The following CCNY variants were observed in gnomAD, a reference collection of about 807,000 sequenced individuals.
The protein encoded by CCNY is cyclin Y.
Under a neutral mutation model 42.8 loss-of-function variants are expected in CCNY, and 19 were observed. The ratio of observed to expected loss-of-function variants is 0.44; its 90% CI spans 0.31 to 0.65. CCNY has a LOEUF of 0.65. Among genes scored for constraint, CCNY ranks in the 30% least tolerant of loss-of-function variants. The probability of loss-of-function intolerance (pLI) is 0.07; values close to 1 mark genes in which losing one functional copy is unlikely to be tolerated. For synonymous variants in CCNY, 165 were observed against 162.7 expected (o/e 1.01, Z -0.11); for missense variants, 370 against 437.3 (o/e 0.85, Z 1.37).
chr10:35,408,257 C>T (rs186312238), intron 1 of CCNY, among the ~76,000 whole-genome samples: 48 of 152,226 alleles, frequency 3.2e-4, no homozygotes, highest in Admixed American at 1.0e-3. Context: ...ACTGGTCTCC[C>T]GAAGGAGTCC....
chr10:35,354,122 A>C (rs1295121973), intron 1 of CCNY, among the ~76,000 whole-genome samples: 3 of 151,850 alleles, frequency 2.0e-5, no homozygotes, highest in African/African-American at 7.3e-5. Flanking sequence ...CCCTGGACCA[A>C]GTGATCCAAG....
intron 1 of CCNY, among the ~76,000 whole-genome samples, chr10:35,343,989 A>G (rs1233688688): frequency 2.0e-5 from 3 of 152,198 alleles, no homozygotes; most frequent in Non-Finnish European, 4.4e-5. Context: ...GTCCCCAGCA[A>G]TGACAGTTGA....
intron 3 of CCNY, among the ~76,000 whole-genome samples, chr10:35,256,813 GA>G (rs2095715880): frequency 6.6e-6 from 1 of 150,516 alleles, no homozygotes; most frequent in Admixed American, 6.7e-5. Context: ...TTGGTGTCAC[GA>G]AATTACATGT....
At chr10:35,450,010 T>C (rs955308472) in intron 1 of CCNY, among the ~76,000 whole-genome samples, 8 of 152,192 alleles carry the variant, frequency 5.3e-5, no homozygotes, top group Non-Finnish European at 1.2e-4. Context: ...TTAGATTTAA[T>C]CAGCTCTGGG....
At position 35,417,639 on chromosome 10, in the gene CCNY, G is replaced by C. The variant is rs144071293; in HGVS notation, c.155-65765G>C. 5.3e-3 allele frequency among the ~76,000 whole-genome samples: 808 copies of C among 152,250 alleles called. 13 individuals are homozygous for C. Among genetic ancestry groups the C allele is most frequent in the Admixed American group, 0.035 (535 of 15,302 alleles). ...TTTTGGTCGTGTAGTTTTAATTCTAGGGTGTTTGCCTTTTGTTATTTCTTT... is the reference window on the plus strand; with the variant it reads ...TTTTGGTCGTGTAGTTTTAATTCTACGGTGTTTGCCTTTTGTTATTTCTTT... On this transcript the variant is annotated intron_variant, in intron 1 of 9. Coordinates refer to ENST00000374704, the MANE Select transcript of CCNY (RefSeq NM_145012.6).
At chr10:35,308,063 C>T (rs564955975) in intron 3 of CCNY, among the ~76,000 whole-genome samples, 117 of 151,798 alleles carry the variant, frequency 7.7e-4, no homozygotes, top group Non-Finnish European at 1.6e-4. Flanking sequence ...GTGATCCACC[C>T]GCCTCGGCCT....
chr10:35,420,316 G>T (rs539582351), intron 1 of CCNY, among the ~76,000 whole-genome samples: 1 of 152,284 alleles, frequency 6.6e-6, no homozygotes, highest in South Asian at 2.1e-4. Flanking sequence ...AGCAGTGGAG[G>T]TGGAGTGGGA....
intron 3 of CCNY, among the ~76,000 whole-genome samples, chr10:35,260,764 A>G (rs756430446): frequency 2.6e-5 from 4 of 152,204 alleles, no homozygotes; most frequent in East Asian, 1.9e-4. Flanking sequence ...CTTGAGTTAC[A>G]TTAGAAGCTG....
chr10:35,272,686 C>T lies in CCNY; in HGVS notation c.-9+22060C>T, dbSNP rs549098083. ...AGTCTACCATTGATGGGCATTTAGG[C>T]TGATTCCATGTCTTTGGTATTGTGA... On this transcript the variant is annotated intron_variant, in intron 3 of 11. Transcript: ENST00000374706. 7.2e-5 allele frequency among the ~76,000 whole-genome samples: 11 copies of T among 152,228 alleles called. No homozygotes were observed. The East Asian group carries it at 1.9e-3, about 27-fold the overall frequency.
At chr10:35,359,081 A>G (rs1334062206) in intron 1 of CCNY, among the ~76,000 whole-genome samples, 6 of 152,246 alleles carry the variant, frequency 3.9e-5, no homozygotes, top group African/African-American at 1.2e-4. Flanking sequence ...TTATTAGGTA[A>G]GTGCGGACTG....
Position 35,393,432 on chromosome 10 carries a change from G to A in CCNY, c.154+56225G>A, listed in dbSNP as rs929466083. ...CTGTGAACCAGTGCAAATTGGTGGC[G>A]TTTAGTACCCCTGCATTTCCTTTTT... On this transcript the variant is annotated intron_variant, in intron 1 of 9. Coordinates refer to ENST00000374704, the MANE Select transcript of CCNY (RefSeq NM_145012.6). Among the ~76,000 whole-genome samples the A allele has an allele frequency of 5.3e-5, 8 of 152,290 alleles. No individual in the cohort carries two copies. The South Asian group carries it at 6.2e-4, about 12-fold the overall frequency.
intron 3 of CCNY, among the ~76,000 whole-genome samples, chr10:35,286,023 G>T (rs1029683658): frequency 1.3e-5 from 2 of 151,870 alleles, no homozygotes; most frequent in African/African-American, 4.8e-5. Flanking sequence ...TGTTGGTCAG[G>T]CTGGTCTTGC....
intron 1 of CCNY, among the ~76,000 whole-genome samples, chr10:35,458,131 A>G (rs1019307872): frequency 2.6e-5 from 4 of 152,200 alleles, no homozygotes; most frequent in African/African-American, 9.7e-5. Context: ...TTTTCCTACA[A>G]GCTGTTTCTG....
At chr10:35,450,133 G>A (rs1397107638) in intron 1 of CCNY, among the ~76,000 whole-genome samples, 2 of 152,006 alleles carry the variant, frequency 1.3e-5, no homozygotes, top group East Asian at 3.9e-4. Flanking sequence ...AGAAAGCAAG[G>A]ATGTAGCAGG....
chr10:35,524,247 T>C (rs1025890227), intron 4 of CCNY, among the ~76,000 whole-genome samples: 1 of 152,232 alleles, frequency 6.6e-6, no homozygotes, highest in Non-Finnish European at 1.5e-5. Context: ...AACCTTACTA[T>C]TTTTTATAAA....
At chr10:35,257,230 C>CCTT (rs2095716288) in intron 3 of CCNY, among the ~76,000 whole-genome samples, 4 of 130,564 alleles carry the variant, frequency 3.1e-5, no homozygotes, top group African/African-American at 6.1e-5. Context: ...CTCCCTCCCT[C>CCTT]CCTTCCTTCC....
intron 8 of CCNY, among the ~76,000 whole-genome samples, chr10:35,556,402 C>A (rs1222937689): frequency 6.6e-6 from 1 of 152,150 alleles, no homozygotes; most frequent in Non-Finnish European, 1.5e-5. Context: ...TGTAACCTGG[C>A]CAGACTGAGT....
chr10:35,438,323 A>AAG (rs1224157418), intron 1 of CCNY, among the ~76,000 whole-genome samples: 1 of 137,718 alleles, frequency 7.3e-6, no homozygotes, highest in Non-Finnish European at 1.6e-5. Flanking sequence ...TAATTAAAAA[A>AAG]AAAATTTTTT....
At chr10:35,374,446 CAG>C (rs1320211873) in intron 1 of CCNY, among the ~76,000 whole-genome samples, 1 of 152,146 alleles carries the variant, frequency 6.6e-6, no homozygotes, top group Non-Finnish European at 1.5e-5. Context: ...CGGCCAGTCA[CAG>C]GGGTTTTATC....
Sources: allele counts gnomAD v4.1 joint callset (sites outside exome capture counted in the v4.1 genomes callset), GRCh38; gene constraint gnomAD v4.1.1; transcripts MANE v1.5; gene names NCBI Gene and HGNC (gene_info 2026-07-23, HGNC 2026-07-21).